ZC3H7A: variants seen among roughly 807,000 people sequenced by gnomAD.
ZC3H7A encodes the protein zinc finger CCCH-type containing 7A, also known as zinc finger CCCH domain-containing protein 7A.
In ZC3H7A, 44 loss-of-function variants were observed where a neutral mutation model predicts 125.5. That is an observed-to-expected ratio of 0.35 (90% CI 0.28 to 0.45). The LOEUF is 0.45. Among genes scored for constraint, ZC3H7A ranks in the 20% least tolerant of loss-of-function variants. The probability of loss-of-function intolerance (pLI) is 1.00; values close to 1 mark genes in which losing one functional copy is unlikely to be tolerated. For missense variants in ZC3H7A, 977 were observed against 1,170.7 expected, an observed-to-expected ratio of 0.83 and a Z score of 2.41; for synonymous variants, 399 against 391.2, an observed-to-expected ratio of 1.02 and a Z score of -0.23.
chr16:11,751,423 C>G lies in ZC3H7A; in HGVS notation c.2810G>C (p.Arg937Thr). The G allele has an allele frequency of 1.2e-6, 2 of 1,614,138 alleles. No individual in the cohort carries two copies. Among genetic ancestry groups the G allele is most frequent in the Non-Finnish European group, 1.7e-6 (2 of 1,180,018 alleles). Residue 937 changes from arginine to threonine, a missense_variant, in exon 23 of 23, where the codon AGA becomes ACA. Arg to Thr is a moderately conservative substitution (Grantham distance 71). Transcript: ENST00000355758. ...NAELHEWEER[R>T]DALKMKLNKA... ...GTTGAGCTTCATCTTTAGGGCATCTCTTCTTTCTTCCCATTCATGAAGTTC... is the reference window on the plus strand; with the variant it reads ...GTTGAGCTTCATCTTTAGGGCATCTGTTCTTTCTTCCCATTCATGAAGTTC...
At chr16:11,777,479 G>T (rs890185609) in intron 4 of ZC3H7A, among the ~76,000 whole-genome samples, 16 of 152,216 alleles carry the variant, frequency 1.1e-4, no homozygotes, top group Non-Finnish European at 2.1e-4. Flanking sequence ...CCAGCACTTT[G>T]GGAGGCCGAG....
chr16:11,762,236 T>C (rs1226660816), intron 17 of ZC3H7A, among the ~76,000 whole-genome samples, 193 bp from the exon 18 acceptor site: 1 of 152,120 alleles, frequency 6.6e-6, no homozygotes, highest in Non-Finnish European at 1.5e-5. Flanking sequence ...ATCATAAAAG[T>C]AGATGATAGA....
At position 11,789,023 on chromosome 16, in the gene ZC3H7A, G is replaced by A. The variant is rs115816692; in HGVS notation, c.-34-6635C>T. ...CTACACACACACACATACACACACA[G>A]GCACGCACAACCACACACACACAAG... On this transcript the variant is annotated intron_variant, in intron 1 of 22. Transcript: ENST00000355758. 2.0e-5 allele frequency among the ~76,000 whole-genome samples: 3 copies of A among 152,012 alleles called. No homozygotes were observed. In the East Asian group the frequency reaches 5.8e-4, roughly 29 times the overall value.
chr16:11,760,140 A>G (rs868348793), intron 19 of ZC3H7A, among the ~76,000 whole-genome samples: 30 of 149,716 alleles, frequency 2.0e-4, no homozygotes, highest in Admixed American at 8.6e-4. Flanking sequence ...AAAAAAAAAA[A>G]AAAAAGAAAA....
intron 13 of ZC3H7A, among the ~76,000 whole-genome samples, chr16:11,766,351 G>A (rs551433108): frequency 2.6e-4 from 39 of 152,310 alleles, no homozygotes; most frequent in Admixed American, 7.8e-4. Context: ...GATCATTTGA[G>A]GCCAGGACTT....
chr16:11,766,914 AT>A (rs2052869276), intron 13 of ZC3H7A, among the ~76,000 whole-genome samples: 2 of 152,220 alleles, frequency 1.3e-5, no homozygotes, highest in African/African-American at 4.8e-5. Flanking sequence ...AACAGTAAAA[AT>A]AATATAAAAA....
intron 2 of ZC3H7A, 68 bp downstream of exon 2, chr16:11,782,219 C>A: frequency 6.4e-7 from 1 of 1,573,722 alleles, no homozygotes; most frequent in Non-Finnish European, 8.7e-7. Context: ...TTCTTCCTCT[C>A]CACAAAACAT....
In ZC3H7A at chr16:11,774,864, T is replaced by C. The variant is rs924545592; in HGVS notation, c.619+116A>G. 2.4e-5 allele frequency: 29 copies of C among 1,215,914 alleles called. No homozygotes were observed. In the African/African-American group the frequency reaches 3.6e-4, roughly 15 times the overall value. 75.3% of individuals were successfully genotyped at this position (1,215,914 alleles called of 1,614,324 possible). A position where few individuals can be genotyped will look rare whatever the true frequency, so the allele number is the denominator to read the frequency against. On this transcript the variant is annotated intron_variant, in intron 8 of 22. Coordinates refer to ENST00000355758, the MANE Select transcript of ZC3H7A (RefSeq NM_014153.4). ...GAAATCATTTTCACTTTCATATTAA[T>C]ACATTAATATGAATATAACCACACA...
chr16:11,773,215 G>T (rs1268089015), intron 9 of ZC3H7A, among the ~76,000 whole-genome samples: 1 of 151,846 alleles, frequency 6.6e-6, no homozygotes, highest in Non-Finnish European at 1.5e-5. Flanking sequence ...GGGTCTCGCT[G>T]TGTTGCCCAG....
At chr16:11,795,646 G>A (rs1415885001) in intron 1 of ZC3H7A, among the ~76,000 whole-genome samples, 2 of 152,046 alleles carry the variant, frequency 1.3e-5, no homozygotes, top group Non-Finnish European at 2.9e-5. Context: ...ATGTTGGCCA[G>A]GCTGGTCTCG....
chr16:11,760,481 C>A (rs983422222), intron 19 of ZC3H7A, among the ~76,000 whole-genome samples: 3 of 152,196 alleles, frequency 2.0e-5, no homozygotes, highest in Non-Finnish European at 4.4e-5. Context: ...GGCTGTGTTA[C>A]TTGTGTAAGT....
chr16:11,761,397 C>A lies in ZC3H7A; in HGVS notation c.2319+9G>T. ...TTTAAAAAAAGTGGCTTAAAAATTA[C>A]GTATGTACATCAAACTGTAAAGGCA... On this transcript the variant is annotated intron_variant, in intron 19 of 22. Coordinates refer to ENST00000355758, the MANE Select transcript of ZC3H7A (RefSeq NM_014153.4). 6.2e-7 allele frequency: 1 copy of A among 1,611,406 alleles called. No homozygotes were observed. The highest frequency in any genetic ancestry group is 8.5e-7 in the Non-Finnish European group (1 of 1,178,402).
At position 11,768,410 on chromosome 16, in the gene ZC3H7A, G is replaced by A; in HGVS notation, c.1265C>T (p.Ala422Val). 6.3e-7 allele frequency: 1 copy of A among 1,594,870 alleles called. No individual in the cohort carries two copies. The highest frequency in any genetic ancestry group is 1.3e-5 in the African/African-American group (1 of 74,556). ...CACTGATGAAGATGGTTTGGTAACT[G>A]CACTTCCAAAAAAGTTTCCAAAGTC... Reference protein sequence around the residue: ...RNDFGNFFGSAVTKPSSSVTP... With the variant: ...RNDFGNFFGSVVTKPSSSVTP... Residue 422 changes from alanine to valine, a missense_variant, in exon 12 of 23, where the codon GCA (alanine) becomes GTA (valine). Coordinates refer to ENST00000355758, the MANE Select transcript of ZC3H7A (RefSeq NM_014153.4).
chr16:11,758,400 G>A (rs2052688594), intron 20 of ZC3H7A, 31 bp downstream of exon 20: 1 of 1,523,538 alleles, frequency 6.6e-7, no homozygotes, highest in South Asian at 1.1e-5. Flanking sequence ...AGGCAAGCTA[G>A]CTCAAGGACA....
chr16:11,779,919 C>T (rs1022703293), intron 3 of ZC3H7A, among the ~76,000 whole-genome samples: 1 of 151,548 alleles, frequency 6.6e-6, no homozygotes, highest in Non-Finnish European at 1.5e-5. Flanking sequence ...ATGTCTTTAC[C>T]AGTGAAGTTG....
At position 11,750,616 on chromosome 16, in the gene ZC3H7A, A is replaced by G. The variant is rs1009236768; in HGVS notation, c.*701T>C. On this transcript the variant is annotated 3_prime_UTR_variant, in exon 23 of 23. Coordinates refer to ENST00000355758, the MANE Select transcript of ZC3H7A (RefSeq NM_014153.4). ...GGCATCTATATATAAAATCTTTATTACAGGCAGTATTGGTCCATACACTAA... is the reference window on the plus strand; with the variant it reads ...GGCATCTATATATAAAATCTTTATTGCAGGCAGTATTGGTCCATACACTAA... 2.0e-5 allele frequency: 3 copies of G among 152,580 alleles called. No individual in the cohort carries two copies. The highest frequency in any genetic ancestry group is 7.2e-5 in the African/African-American group (3 of 41,474). The allele number at this position is 152,580 out of a possible 1,614,324, so 9.5% of individuals were successfully genotyped here.
chr16:11,764,972 C>CAG (rs2052829889), intron 15 of ZC3H7A, 81 bp downstream of exon 15: 1 of 935,820 alleles, frequency 1.1e-6, no homozygotes, highest in South Asian at 1.7e-5. Flanking sequence ...AATGCCTGGA[C>CAG]AGACATTACT....
chr16:11,759,742 T>C (rs1454255997), intron 19 of ZC3H7A: 1 of 152,260 alleles, frequency 6.6e-6, no homozygotes. Flanking sequence ...TCTGGCAGAC[T>C]TTGAAGCCCA....
At chr16:11,773,464 G>T (rs577335154) in intron 9 of ZC3H7A, among the ~76,000 whole-genome samples, 1 of 152,000 alleles carries the variant, frequency 6.6e-6, no homozygotes, top group African/African-American at 2.4e-5. Flanking sequence ...TTTAAGAATT[G>T]TAAAAAATAT....
Sources: allele counts gnomAD v4.1 joint callset (sites outside exome capture counted in the v4.1 genomes callset), GRCh38; gene constraint gnomAD v4.1.1; transcripts MANE v1.5; gene names NCBI Gene and HGNC (gene_info 2026-07-23, HGNC 2026-07-21).